SRFBP1: variants seen among roughly 807,000 people sequenced by gnomAD.
The protein encoded by SRFBP1 is serum response factor-binding protein 1.
SRFBP1 carries 47 observed loss-of-function variants against 45.5 expected under a neutral mutation model. The ratio of observed to expected loss-of-function variants is 1.03; its 90% CI spans 0.82 to 1.32. SRFBP1 has a LOEUF of 1.32. SRFBP1 is among the 40% of genes most tolerant of loss of function. The probability of loss-of-function intolerance (pLI) is 0.00; values close to 1 mark genes in which losing one functional copy is unlikely to be tolerated. For missense variants in SRFBP1, 621 were observed against 484.6 expected, an observed-to-expected ratio of 1.28 and a Z score of -2.64; for synonymous variants, 203 against 166.3, an observed-to-expected ratio of 1.22 and a Z score of -1.70.
chr5:122,055,234 G>T (rs907321557), intron 2 of SRFBP1, among the ~76,000 whole-genome samples: 2 of 152,092 alleles, frequency 1.3e-5, no homozygotes, highest in African/African-American at 2.4e-5. Flanking sequence ...GGGCAAACAG[G>T]CTCCCTTGGA....
intron 3 of SRFBP1, among the ~76,000 whole-genome samples, chr5:121,977,059 G>A (rs551651716): frequency 1.3e-5 from 2 of 152,076 alleles, no homozygotes; most frequent in African/African-American, 2.4e-5. Context: ...TGATCTAAAT[G>A]TAAAGCCTGT....
At chr5:121,966,633 C>G (rs1028549800) in intron 1 of SRFBP1, among the ~76,000 whole-genome samples, 2 of 152,086 alleles carry the variant, frequency 1.3e-5, no homozygotes, top group African/African-American at 4.8e-5. Flanking sequence ...TAGATTTTCT[C>G]AAGTCATCTG....
intron 2 of SRFBP1, chr5:122,066,497 T>C (rs1458310486): frequency 7.2e-6 from 3 of 416,182 alleles, no homozygotes. Flanking sequence ...AATTACAGAA[T>C]TGAAACACTG....
intron 2 of SRFBP1, among the ~76,000 whole-genome samples, chr5:122,061,741 A>AT (rs1233536810): frequency 2.6e-5 from 4 of 151,896 alleles, no homozygotes; most frequent in Admixed American, 2.6e-4. Flanking sequence ...GGAAAGACAT[A>AT]TTTTTTTCTA....
chr5:122,012,754 T>A (rs993098215), intron 4 of SRFBP1, among the ~76,000 whole-genome samples: 1 of 152,146 alleles, frequency 6.6e-6, no homozygotes, highest in Admixed American at 6.5e-5. Flanking sequence ...AAGCCTCAAT[T>A]CTAATTATTA....
At chr5:122,056,083 A>G (rs900121414) in intron 2 of SRFBP1, among the ~76,000 whole-genome samples, 3 of 152,192 alleles carry the variant, frequency 2.0e-5, no homozygotes, top group African/African-American at 7.2e-5. Flanking sequence ...TCCGGTCCCC[A>G]AACCTCTGAA....
intron 2 of SRFBP1, among the ~76,000 whole-genome samples, chr5:122,071,077 G>A (rs1448669457): frequency 1.3e-5 from 2 of 152,046 alleles, no homozygotes; most frequent in East Asian, 3.9e-4. Context: ...AACATGCTAT[G>A]TAAGAATATA....
intron 2 of SRFBP1, among the ~76,000 whole-genome samples, chr5:122,046,127 A>G (rs929982478): frequency 2.6e-5 from 4 of 152,052 alleles, no homozygotes; most frequent in African/African-American, 9.7e-5. Flanking sequence ...TACATGTGCC[A>G]TGTTGGTGTG....
intron 4 of SRFBP1, among the ~76,000 whole-genome samples, chr5:122,013,498 C>G (rs935727156): frequency 1.3e-5 from 2 of 151,644 alleles, no homozygotes; most frequent in Non-Finnish European, 2.9e-5. Context: ...AGAAAATTTT[C>G]CAAAAAAAGA....
At chr5:122,071,403 T>C (rs1161929643) in intron 2 of SRFBP1, among the ~76,000 whole-genome samples, 9 of 152,170 alleles carry the variant, frequency 5.9e-5, no homozygotes, top group African/African-American at 2.2e-4. Context: ...CCCACTATAC[T>C]CTCTCTCATA....
At position 122,020,301 on chromosome 5, in the gene SRFBP1, C is replaced by T; in HGVS notation, c.566C>T (p.Ala189Val). Residue 189 changes from alanine (A) to valine (V), a missense_variant, in exon 6 of 8, where the codon GCA becomes GTA. Ala to Val is a moderately conservative substitution (Grantham distance 64). Coordinates refer to ENST00000339397, the MANE Select transcript of SRFBP1 (RefSeq NM_152546.3). ...ATACATAATTCAAAGGAAAAAATAG[C>T]AAAGATGGAACATGGACCTAAAGCA... is the stretch of plus-strand genomic sequence containing the variant. ...KPIHNSKEKIAKMEHGPKAVT... is the reference protein window; with the variant it reads ...KPIHNSKEKIVKMEHGPKAVT... 1.2e-6 allele frequency: 2 copies of T among 1,611,692 alleles called. No homozygotes were observed. Among genetic ancestry groups the T allele is most frequent in the Non-Finnish European group, 1.7e-6 (2 of 1,179,378 alleles).
intron 2 of SRFBP1, among the ~76,000 whole-genome samples, chr5:122,040,758 C>T (rs1436806232): frequency 6.6e-6 from 1 of 152,070 alleles, no homozygotes; most frequent in East Asian, 1.9e-4. Flanking sequence ...ATTAATGTAC[C>T]TAAAGTATAT....
At chr5:122,069,979 T>C in intron 2 of SRFBP1, 2 of 1,029,340 alleles carry the variant, frequency 1.9e-6, no homozygotes, top group Non-Finnish European at 3.1e-6. Flanking sequence ...AACAGATACA[T>C]TCTATGTATA....
In SRFBP1 at chr5:122,027,283, C is replaced by T. The variant is rs1019586259; in HGVS notation, c.*157C>T. On this transcript the variant is annotated 3_prime_UTR_variant, in exon 8 of 8. Coordinates refer to ENST00000339397, the MANE Select transcript of SRFBP1 (RefSeq NM_152546.3). Reference sequence around the variant, plus strand: ...TCAAGTGATCCTCCCACCTCTGCCTCCCAAAGGGCTGGGACTGCAGGTGCA... The same window carrying T: ...TCAAGTGATCCTCCCACCTCTGCCTTCCAAAGGGCTGGGACTGCAGGTGCA... 3 of 570,116 alleles carry T rather than the reference C, an allele frequency of 5.3e-6. No homozygotes were observed. The highest frequency in any genetic ancestry group is 9.0e-6 in the Non-Finnish European group (3 of 333,830). 35.3% of individuals were successfully genotyped at this position (570,116 alleles called of 1,614,324 possible). A position where few individuals can be genotyped will look rare whatever the true frequency, so the allele number is the denominator to read the frequency against.
chr5:121,981,976 T>C (rs1347432989), intron 3 of SRFBP1, among the ~76,000 whole-genome samples: 11 of 151,962 alleles, frequency 7.2e-5, no homozygotes, highest in Admixed American at 6.6e-5. Context: ...TTTTTTTTTT[T>C]TACATGTTGG....
chr5:122,077,921 G>C (rs933016321), downstream of SRFBP1: 9 of 1,517,410 alleles, frequency 5.9e-6, no homozygotes, highest in African/African-American at 2.9e-5. This position sits in a 1 kb window ranked among gnomAD's most constrained non-coding sequence, Gnocchi z 4.9. Flanking sequence ...GGCGGGAGGG[G>C]CGCAGTGCAC....
At chr5:122,076,811 A>G (rs897473917), downstream of SRFBP1, 5 of 1,214,228 alleles carry the variant, frequency 4.1e-6, no homozygotes, top group Non-Finnish European at 6.0e-6. Flanking sequence ...GTCTGCGCGA[A>G]GCAGTAGCAG....
intron 4 of SRFBP1, among the ~76,000 whole-genome samples, chr5:122,005,881 C>G (rs1752963394): frequency 2.0e-5 from 3 of 152,100 alleles, no homozygotes; most frequent in African/African-American, 7.2e-5. Context: ...TTGTAGCTAA[C>G]AATATTTTAA....
chr5:122,077,724 G>A (rs997637411), downstream of SRFBP1: 2 of 1,580,990 alleles, frequency 1.3e-6, no homozygotes, highest in Admixed American at 3.6e-5. The surrounding 1 kb of genome is among the most constrained non-coding windows in gnomAD (Gnocchi z 4.9). Flanking sequence ...ATCGGAGTGC[G>A]GGGCTGCTGG....
Sources: allele counts gnomAD v4.1 joint callset (sites outside exome capture counted in the v4.1 genomes callset), GRCh38; gene constraint gnomAD v4.1.1; non-coding constraint Gnocchi (gnomAD v3.1); transcripts MANE v1.5; gene names NCBI Gene and HGNC (gene_info 2026-07-23, HGNC 2026-07-21).